Variants in OLA1 observed in about 807,000 individuals in gnomAD.
OLA1 encodes obg-like ATPase 1.
A neutral mutation model predicts 48.4 loss-of-function variants in OLA1; 14 were observed. The ratio of observed to expected loss-of-function variants is 0.29; its 90% confidence interval spans 0.19 to 0.45. OLA1 has a LOEUF of 0.45. Ranked by LOEUF, OLA1 falls within the 20% of genes least tolerant of loss-of-function variation. The pLI is 1.00. For synonymous variants in OLA1, 127 were observed against 150.4 expected, an observed-to-expected ratio of 0.84 and a Z score of 1.14; for missense variants, 325 against 467.1, an observed-to-expected ratio of 0.70 and a Z score of 2.80.
chr2:174,216,880 T>G (rs1374271032), intron 4 of OLA1, among the ~76,000 whole-genome samples: 1 of 152,164 alleles, frequency 6.6e-6, no homozygotes, highest in African/African-American at 2.4e-5. Context: ...TTTCTCTAGC[T>G]TACTTTATTG....
Position 174,246,754 on chromosome 2 carries a change from G to A in OLA1, c.62C>T (p.Thr21Ile), listed in dbSNP as rs374463039. 1.9e-6 allele frequency: 3 copies of A among 1,612,416 alleles called. No homozygotes were observed. The highest frequency in any genetic ancestry group is 2.7e-5 in the African/African-American group (2 of 74,878). The change falls in exon 2 of 11, where the codon ACC becomes ATC. Residue 21 changes from threonine (T) to isoleucine (I), a missense_variant. Coordinates refer to ENST00000284719, the MANE Select transcript of OLA1 (RefSeq NM_013341.5). ...TCCAACAATACCAATTTTCAGTGAG[G>A]TTCCAAATCTTCCAATGATTGGGGG... ...KPPPIIGRFG[T>I]SLKIGIVGLP...
At chr2:174,187,581 C>T (rs944855444) in intron 4 of OLA1, among the ~76,000 whole-genome samples, 1 of 152,200 alleles carries the variant, frequency 6.6e-6, no homozygotes, top group Non-Finnish European at 1.5e-5. Flanking sequence ...GATGACACTG[C>T]AAGATTTTGT....
chr2:174,157,626 A>AGT (rs1452493903), intron 4 of OLA1, among the ~76,000 whole-genome samples: 1 of 152,232 alleles, frequency 6.6e-6, no homozygotes, highest in Non-Finnish European at 1.5e-5. Context: ...TAATCAGTCA[A>AGT]GTAAATGCCT....
intron 7 of OLA1, among the ~76,000 whole-genome samples, chr2:174,104,002 T>C (rs919570350): frequency 3.3e-5 from 5 of 152,050 alleles, no homozygotes; most frequent in Admixed American, 6.6e-5. Flanking sequence ...TCCGTAGACA[T>C]AGAAACAGGA....
chr2:174,095,488 G>A (rs547827928), intron 7 of OLA1, among the ~76,000 whole-genome samples: 25 of 151,880 alleles, frequency 1.6e-4, no homozygotes, highest in African/African-American at 5.8e-4. Flanking sequence ...ATCTTCTTTG[G>A]AGAAATGTCT....
chr2:174,122,269 G>T (rs1339442297), intron 7 of OLA1, among the ~76,000 whole-genome samples: 1 of 152,094 alleles, frequency 6.6e-6, no homozygotes, highest in African/African-American at 2.4e-5. Context: ...ATGATTTATT[G>T]GAGTTAACCA....
At chr2:174,201,856 G>A (rs1207346549) in intron 4 of OLA1, among the ~76,000 whole-genome samples, 1 of 152,036 alleles carries the variant, frequency 6.6e-6, no homozygotes, top group Non-Finnish European at 1.5e-5. Flanking sequence ...AACTATCAAG[G>A]GATATCATTA....
chr2:174,125,180 C>T (rs1686019379), intron 5 of OLA1, among the ~76,000 whole-genome samples: 1 of 152,232 alleles, frequency 6.6e-6, no homozygotes, highest in African/African-American at 2.4e-5. Context: ...ATAGATCTCA[C>T]TTGGCACTGC....
intron 4 of OLA1, among the ~76,000 whole-genome samples, chr2:174,207,130 TG>T (rs980694248): frequency 6.6e-6 from 1 of 152,044 alleles, no homozygotes; most frequent in Admixed American, 6.6e-5. Flanking sequence ...TAACCTAAGT[TG>T]GGGGGGAGCA....
intron 2 of OLA1, among the ~76,000 whole-genome samples, chr2:174,231,465 G>C (rs1688726696): frequency 6.6e-6 from 1 of 151,942 alleles, no homozygotes; most frequent in South Asian, 2.1e-4. Flanking sequence ...ATTCTAAAAA[G>C]GCCATAGGTT....
At chr2:174,122,941 T>TA (rs1206645343) in intron 7 of OLA1, among the ~76,000 whole-genome samples, 2 of 152,204 alleles carry the variant, frequency 1.3e-5, no homozygotes, top group Non-Finnish European at 1.5e-5. Flanking sequence ...ATTTGATAAG[T>TA]AAATGTATAT....
At chr2:174,088,305 A>G (rs1685028779) in intron 7 of OLA1, among the ~76,000 whole-genome samples, 2 of 152,194 alleles carry the variant, frequency 1.3e-5, no homozygotes, top group African/African-American at 4.8e-5. Context: ...ACTCATTTCT[A>G]TTACAACTGC....
rs187468992 is a variant in OLA1, at chr2:174,163,546, G to A, written c.374-21546C>T. On this transcript the variant is annotated intron_variant, in intron 4 of 10. Transcript: ENST00000284719. ...TCTACTAAAACTACGAAAATTAGCC[G>A]GGCATGGTGGCAGGCACCTATAAAT... Among the ~76,000 whole-genome samples the A allele has an allele frequency of 5.4e-3, 814 of 150,990 alleles. 10 individuals are homozygous for A. The Middle Eastern group carries it at 0.062, about 12-fold the overall frequency.
chr2:174,105,983 C>G (rs529845915), intron 7 of OLA1, among the ~76,000 whole-genome samples: 5 of 150,022 alleles, frequency 3.3e-5, no homozygotes, highest in Non-Finnish European at 7.4e-5. Flanking sequence ...CTCAGTATCT[C>G]TTTTTGTTGG....
rs559966247 is a variant in OLA1, at chr2:174,186,599, T to C, written c.373+36434A>G. On this transcript the variant is annotated intron_variant, in intron 4 of 10. Transcript: ENST00000284719. ...AAGGGTAGTAAAATGGCACGTGTTG[T>C]ACAGGCTGGACACACAGGTTCCCTG... is the stretch of plus-strand genomic sequence containing the variant. Among the ~76,000 whole-genome samples the C allele has an allele frequency of 3.7e-4, 57 of 152,254 alleles. 1 individual carries two copies. Among genetic ancestry groups the C allele is most frequent in the South Asian group, 8.3e-4 (4 of 4,828 alleles).
At chr2:174,141,575 C>T (rs181403540) in intron 5 of OLA1, among the ~76,000 whole-genome samples, 6 of 152,258 alleles carry the variant, frequency 3.9e-5, no homozygotes, top group South Asian at 2.1e-4. Context: ...ACTTGAAGGC[C>T]TACATAGTAA....
chr2:174,192,223 C>T (rs569943759), intron 4 of OLA1, among the ~76,000 whole-genome samples: 1 of 152,158 alleles, frequency 6.6e-6, no homozygotes, highest in East Asian at 1.9e-4. Context: ...ATCCCTTATC[C>T]AAAATGCCTG....
chr2:174,182,232 AAAT>A (rs1687560243), intron 4 of OLA1, among the ~76,000 whole-genome samples: 1 of 152,186 alleles, frequency 6.6e-6, no homozygotes. Context: ...TTCTTTTTAA[AAAT>A]CTCTTTCGGC....
intron 4 of OLA1, among the ~76,000 whole-genome samples, chr2:174,146,768 T>A (rs1686610890): frequency 2.6e-5 from 4 of 152,190 alleles, no homozygotes; most frequent in Admixed American, 2.6e-4. Context: ...TAAAATTTCT[T>A]ATAACTCAAG....
Sources: allele counts gnomAD v4.1 joint callset (sites outside exome capture counted in the v4.1 genomes callset), GRCh38; gene constraint gnomAD v4.1.1; transcripts MANE v1.5; gene names NCBI Gene and HGNC (gene_info 2026-07-23, HGNC 2026-07-21).